The following ZYG11B variants were observed in gnomAD, a reference collection of about 807,000 sequenced individuals.
ZYG11B encodes protein zyg-11 homolog B.
ZYG11B carries 36 observed loss-of-function variants against 82.4 expected under a neutral mutation model. The observed-to-expected ratio is 0.44, with a 90% CI of 0.33 to 0.58. The LOEUF (loss-of-function observed/expected upper bound fraction) is 0.58, where lower values mean the gene tolerates loss of function less well. Ranked by LOEUF, ZYG11B falls within the 20% of genes least tolerant of loss-of-function variation. The pLI, the probability that ZYG11B is intolerant of heterozygous loss-of-function variation, is 0.02. For synonymous variants in ZYG11B, 303 were observed against 312.8 expected (o/e 0.97, Z 0.33); for missense variants, 552 against 895.6 (o/e 0.62, Z 4.90).
At chr1:52,760,806 A>T (rs1453486690) in intron 2 of ZYG11B, among the ~76,000 whole-genome samples, 1 of 141,870 alleles carries the variant, frequency 7.0e-6, no homozygotes, top group Non-Finnish European at 1.5e-5. Flanking sequence ...TCTGTCGCTC[A>T]GGCTGGAGTG....
intron 1 of ZYG11B, among the ~76,000 whole-genome samples, chr1:52,754,648 C>A (rs1644555893): frequency 6.6e-6 from 1 of 152,232 alleles, no homozygotes; most frequent in African/African-American, 2.4e-5. Flanking sequence ...TTTCAGAGTT[C>A]TGGCATTACA....
At position 52,824,601 on chromosome 1, in the gene ZYG11B, T is replaced by G. The variant is rs1179638014; in HGVS notation, c.*2972T>G. 2 of 150,872 alleles carry G rather than the reference T, an allele frequency of 1.3e-5. No homozygotes were observed. Among genetic ancestry groups the G allele is most frequent in the South Asian group, 2.1e-4 (1 of 4,790 alleles). 9.3% of individuals were successfully genotyped at this position (150,872 alleles called of 1,614,324 possible). A position where few individuals can be genotyped will look rare whatever the true frequency, so the allele number is the denominator to read the frequency against. ...TTGTGGTGAGCCAATATCATGCCACTGCACTCCAGCCTGGGTGACAGAGTA... is the reference window on the plus strand; with the variant it reads ...TTGTGGTGAGCCAATATCATGCCACGGCACTCCAGCCTGGGTGACAGAGTA... On this transcript the variant is annotated 3_prime_UTR_variant, in exon 14 of 14. Coordinates refer to ENST00000294353, the MANE Select transcript of ZYG11B (RefSeq NM_024646.3).
chr1:52,765,052 C>CTT (rs879681687), intron 2 of ZYG11B, among the ~76,000 whole-genome samples: 1 of 142,772 alleles, frequency 7.0e-6, no homozygotes, highest in African/African-American at 2.6e-5. Context: ...TCTGAGTGAT[C>CTT]TTTTTTTTTT....
intron 2 of ZYG11B, among the ~76,000 whole-genome samples, chr1:52,759,347 G>A (rs897747721): frequency 6.6e-6 from 1 of 152,208 alleles, no homozygotes; most frequent in Non-Finnish European, 1.5e-5. Flanking sequence ...ACTACTGCTA[G>A]CTAATAGTAG....
chr1:52,798,154 A>T (rs4351588), intron 8 of ZYG11B, among the ~76,000 whole-genome samples: 52,760 of 151,592 alleles, frequency 0.35, 10,020 homozygotes, highest in East Asian at 0.59. Flanking sequence ...TTTTTTGGTT[A>T]TTTGTAAAGA....
intron 10 of ZYG11B, 116 bp downstream of exon 10, chr1:52,802,255 G>T: frequency 1.1e-6 from 1 of 871,732 alleles, no homozygotes; most frequent in East Asian, 2.6e-5. Flanking sequence ...TCTAAGGCAC[G>T]GTCATTGCTA....
chr1:52,773,783 T>C (rs867395222), intron 3 of ZYG11B, among the ~76,000 whole-genome samples: 25 of 150,198 alleles, frequency 1.7e-4, no homozygotes, highest in Non-Finnish European at 2.7e-4. Flanking sequence ...GCTGGGACTA[T>C]AGGCACACAC....
At chr1:52,736,632 T>C (rs2149919040) in intron 1 of ZYG11B, among the ~76,000 whole-genome samples, 1 of 152,246 alleles carries the variant, frequency 6.6e-6, no homozygotes, top group South Asian at 2.1e-4. Flanking sequence ...TTTGTATTTT[T>C]AGTAGAGATG....
chr1:52,803,100 A>G, intron 10 of ZYG11B, among the ~76,000 whole-genome samples: 1 of 2,980 alleles, frequency 3.4e-4, no homozygotes, highest in South Asian at 0.025. Context: ...ATATATATAC[A>G]TATATATATA....
At chr1:52,780,700 T>G (rs929152467) in intron 4 of ZYG11B, among the ~76,000 whole-genome samples, 6 of 152,190 alleles carry the variant, frequency 3.9e-5, no homozygotes, top group African/African-American at 1.4e-4. Flanking sequence ...CTCAAACTCC[T>G]GGGCTCAAGC....
chr1:52,790,715 CAAAAAAAAAAA>C (rs755866491), intron 6 of ZYG11B, among the ~76,000 whole-genome samples: 1 of 49,696 alleles, frequency 2.0e-5, no homozygotes, highest in Admixed American at 3.7e-4. Flanking sequence ...AAGACTGTCT[CAAAAAAAAAAA>C]AAAAAAAAAA....
chr1:52,775,430 C>T (rs745612422), intron 3 of ZYG11B, among the ~76,000 whole-genome samples: 30 of 152,004 alleles, frequency 2.0e-4, no homozygotes, highest in Non-Finnish European at 2.9e-4. Flanking sequence ...CCATCTGACA[C>T]CTGTAATCCC....
At chr1:52,810,866 A>G (rs1310120323) in intron 10 of ZYG11B, among the ~76,000 whole-genome samples, 1 of 151,624 alleles carries the variant, frequency 6.6e-6, no homozygotes, top group African/African-American at 2.4e-5. Flanking sequence ...GAAACCCTGT[A>G]TCTACTAAAA....
chr1:52,789,631 C>G (rs1456025415), intron 5 of ZYG11B, among the ~76,000 whole-genome samples: 1 of 152,126 alleles, frequency 6.6e-6, no homozygotes, highest in Non-Finnish European at 1.5e-5. Context: ...TAGAGTCTTC[C>G]AAGCAGGCTC....
At chr1:52,797,141 TTATATATTATATATTTATATATTA>T (rs1645023657) in intron 8 of ZYG11B, among the ~76,000 whole-genome samples, 1 of 71,724 alleles carries the variant, frequency 1.4e-5, no homozygotes, top group African/African-American at 7.9e-5. Flanking sequence ...TATTTATATA[TTATATATTATATATTTATATATTA>T]TATATTATAT....
In ZYG11B at chr1:52,756,595, TC is replaced by T; in HGVS notation, c.169del (p.Arg57AspfsTer12). ...PGVFPQEVAD[R>X]LLRTMAFHGL... ...GAGTATTCCCACAGGAGGTGGCTGA[TC>T]GACTGCTTCGGACCATGGCTTTTCA... On this transcript the variant is annotated frameshift_variant, in exon 2 of 14. Coordinates refer to ENST00000294353, the MANE Select transcript of ZYG11B (RefSeq NM_024646.3). LOFTEE classifies it high-confidence loss of function. 1 of 1,613,996 alleles carries T rather than the reference TC, an allele frequency of 6.2e-7. No homozygotes were observed. Among genetic ancestry groups the T allele is most frequent in the Non-Finnish European group, 8.5e-7 (1 of 1,179,946 alleles).
chr1:52,740,731 T>C (rs183944104), intron 1 of ZYG11B, among the ~76,000 whole-genome samples: 4 of 151,950 alleles, frequency 2.6e-5, no homozygotes, highest in African/African-American at 9.6e-5. Flanking sequence ...CCTTAGCTAA[T>C]TTTTTGTATT....
At position 52,772,458 on chromosome 1, in the gene ZYG11B, C is replaced by T. The variant is rs537345133; in HGVS notation, c.951+684C>T. ...TAAAATTTTATTGCCTGTCACAAAA[C>T]GTACTTGTGCAACACCATGTGATTC... is the stretch of plus-strand genomic sequence containing the variant. On this transcript the variant is annotated intron_variant, in intron 3 of 13. Coordinates refer to ENST00000294353, the MANE Select transcript of ZYG11B (RefSeq NM_024646.3). 178 of 1,577,698 alleles carry T rather than the reference C, an allele frequency of 1.1e-4. 2 individuals are homozygous for T. In the South Asian group the frequency reaches 1.9e-3, roughly 17 times the overall value.
intron 1 of ZYG11B, among the ~76,000 whole-genome samples, chr1:52,727,000 C>T (rs1238554885): frequency 1.3e-5 from 2 of 151,804 alleles, no homozygotes; most frequent in East Asian, 1.9e-4. Context: ...CCCTTCCTTT[C>T]TTTCTCCTCT....
Sources: gnomAD v4.1 joint callset for allele counts (sites outside exome capture counted in the v4.1 genomes callset) on GRCh38, gnomAD v4.1.1 for gene constraint, MANE v1.5 for transcripts, NCBI Gene and HGNC (gene_info 2026-07-23, HGNC 2026-07-21) for gene names.